The following P2RY6 variants were observed in gnomAD, a reference collection of about 807,000 sequenced individuals.
The protein encoded by P2RY6 is P2Y purinoceptor 6.
Under a neutral mutation model 16.3 loss-of-function variants are expected in P2RY6, and 19 were observed. The ratio of observed to expected loss-of-function variants is 1.16; its 90% CI spans 0.81 to 1.71. The LOEUF is 1.71. Among genes scored for constraint, P2RY6 ranks in the 40% most tolerant of loss-of-function variants. P2RY6 has a pLI of 0.00. For synonymous variants in P2RY6, 184 were observed against 201.5 expected, an observed-to-expected ratio of 0.91 and a Z score of 0.74; for missense variants, 389 against 455.5, an observed-to-expected ratio of 0.85 and a Z score of 1.33.
At chr11:73,272,623 C>T (rs11828747) in intron 1 of P2RY6, among the ~76,000 whole-genome samples, 157 bp downstream of exon 1, 3,680 of 152,330 alleles carry the variant, frequency 0.024, 152 homozygotes, top group African/African-American at 0.084. Context: ...CTCCGCCTGG[C>T]TATGCCTGGA....
chr11:73,274,415 T>C (rs1172800134), intron 1 of P2RY6, among the ~76,000 whole-genome samples: 1 of 151,790 alleles, frequency 6.6e-6, no homozygotes, highest in Non-Finnish European at 1.5e-5. Flanking sequence ...TCAAGTGTTT[T>C]ACACAAAAAT....
At chr11:73,272,598 G>A (rs955808631) in intron 1 of P2RY6, 132 bp downstream of exon 1, 1 of 733,100 alleles carries the variant, frequency 1.4e-6, no homozygotes, top group East Asian at 1.3e-4. Context: ...GCAGGCACTG[G>A]GGTCCTCCTC....
At chr11:73,290,338 A>AGAAAGAAC (rs1565170678) in intron 1 of P2RY6, among the ~76,000 whole-genome samples, 2 of 151,322 alleles carry the variant, frequency 1.3e-5, no homozygotes, top group Non-Finnish European at 3.0e-5. Flanking sequence ...AAAGAAAGAA[A>AGAAAGAAC]GAAAGAAAGA....
At chr11:73,278,769 C>T (rs957633998) in intron 1 of P2RY6, among the ~76,000 whole-genome samples, 5 of 152,188 alleles carry the variant, frequency 3.3e-5, no homozygotes, top group Non-Finnish European at 7.3e-5. Flanking sequence ...ATTCATCCAT[C>T]TACAGCTGTT....
upstream of P2RY6, among the ~76,000 whole-genome samples, chr11:73,269,061 C>G (rs888489062): frequency 6.6e-6 from 1 of 152,212 alleles, no homozygotes. Context: ...TAGGACTGAG[C>G]TAGCAGTGGC....
chr11:73,288,306 G>A (rs1864049701), intron 1 of P2RY6, among the ~76,000 whole-genome samples: 1 of 152,194 alleles, frequency 6.6e-6, no homozygotes, highest in Non-Finnish European at 1.5e-5. Flanking sequence ...GCTTGAAGAG[G>A]CTGGAGAGAA....
At position 73,297,493 on chromosome 11, in the gene P2RY6, G is replaced by T. The variant is rs1472061790; in HGVS notation, c.975G>T (p.Arg325Ser). The change falls in exon 3 of 3, where the codon AGG (arginine) becomes AGT (serine). Residue 325 changes from arginine to serine, a missense_variant. By Grantham distance (110) the Arg-to-Ser change is moderately radical. Transcript: ENST00000540124. ...AGAAACTCACAGCCAAATGGCAGAGGCAGGGTCGCTGAGTCCTCCAGGTCC... is the reference window on the plus strand; with the variant it reads ...AGAAACTCACAGCCAAATGGCAGAGTCAGGGTCGCTGAGTCCTCCAGGTCC... ...LLQKLTAKWQ[R>S]QGR 6.2e-6 allele frequency: 10 copies of T among 1,607,314 alleles called. No homozygotes were observed. Among genetic ancestry groups the T allele is most frequent in the Admixed American group, 1.7e-5 (1 of 59,922 alleles).
intron 1 of P2RY6, among the ~76,000 whole-genome samples, chr11:73,289,046 C>A (rs536747191): frequency 1.3e-5 from 2 of 152,364 alleles, no homozygotes; most frequent in East Asian, 3.9e-4. Flanking sequence ...CCAGCTCCTG[C>A]CTTTGGCCAA....
At chr11:73,276,138 C>T (rs1042492285) in intron 1 of P2RY6, among the ~76,000 whole-genome samples, 1 of 152,132 alleles carries the variant, frequency 6.6e-6, no homozygotes, top group African/African-American at 2.4e-5. Flanking sequence ...AGAAAAGGAG[C>T]AATTAGGGAA....
chr11:73,296,209 T>C (rs1864465590), intron 2 of P2RY6, among the ~76,000 whole-genome samples: 1 of 111,222 alleles, frequency 9.0e-6, no homozygotes, highest in Admixed American at 9.7e-5. Flanking sequence ...AGAAGTTCAC[T>C]AGGAAGGCTG....
intron 1 of P2RY6, among the ~76,000 whole-genome samples, chr11:73,285,057 A>G (rs1228597756): frequency 6.6e-6 from 1 of 152,092 alleles, no homozygotes; most frequent in Non-Finnish European, 1.5e-5. Context: ...TCGAGTGACC[A>G]CCTGAGGGGG....
At chr11:73,272,543 C>T in intron 1 of P2RY6, 77 bp downstream of exon 1, 1 of 980,198 alleles carries the variant, frequency 1.0e-6, no homozygotes, top group Non-Finnish European at 1.2e-6. Flanking sequence ...AACTGCAGTC[C>T]ACTTGCAGCC....
chr11:73,293,736 C>A (rs1396449658), intron 1 of P2RY6, among the ~76,000 whole-genome samples: 6 of 152,204 alleles, frequency 3.9e-5, no homozygotes, highest in Non-Finnish European at 8.8e-5. Context: ...TCCTGCAGCC[C>A]CCTGCCTCCT....
At chr11:73,269,327 C>A (rs761494821), upstream of P2RY6, among the ~76,000 whole-genome samples, 3 of 152,148 alleles carry the variant, frequency 2.0e-5, no homozygotes, top group South Asian at 6.2e-4. Flanking sequence ...ACACCCTGGG[C>A]TGAGCTGGGA....
Position 73,297,726 on chromosome 11 carries a change from G to C in P2RY6, c.*221G>C, listed in dbSNP as rs972350551. 8.6e-6 allele frequency: 5 copies of C among 583,486 alleles called. No individual in the cohort carries two copies. Among genetic ancestry groups the C allele is most frequent in the Non-Finnish European group, 1.6e-5 (5 of 320,020 alleles). The allele number at this position is 583,486 out of a possible 1,614,324, so 36.1% of individuals were successfully genotyped here. A position where few individuals can be genotyped will look rare whatever the true frequency, so the allele number is the denominator to read the frequency against. ...ATGGACAGACCTGGGCCTGGCTCTT[G>C]AGAGGTCCCAGTCAGCCATGGAGAG... On this transcript the variant is annotated 3_prime_UTR_variant, in exon 3 of 3. Transcript: ENST00000540124.
In P2RY6 at chr11:73,297,127, G is replaced by A; in HGVS notation, c.609G>A (p.Leu203=). 1 of 1,604,594 alleles carries A rather than the reference G, an allele frequency of 6.2e-7. No individual in the cohort carries two copies. Among genetic ancestry groups the A allele is most frequent in the Non-Finnish European group, 8.5e-7 (1 of 1,179,940 alleles). Residue 203 remains leucine (L), a synonymous_variant, in exon 3 of 3, where the codon CTG becomes CTA. Transcript: ENST00000540124. ...CTCTCACTGTCATCGGCTTCCTGCTGCCCTTTGCTGCCCTGCTGGCCTGCT... is the reference window on the plus strand; with the variant it reads ...CTCTCACTGTCATCGGCTTCCTGCTACCCTTTGCTGCCCTGCTGGCCTGCT... The part of the protein sequence containing the change: ...GMALTVIGFL[L]PFAALLACYC...
chr11:73,281,697 T>A (rs930910352), intron 1 of P2RY6, among the ~76,000 whole-genome samples: 1 of 152,208 alleles, frequency 6.6e-6, no homozygotes. Context: ...GGGAACCAGG[T>A]ACTCTGTCTC....
At chr11:73,274,357 T>A (rs11823600) in intron 1 of P2RY6, among the ~76,000 whole-genome samples, 3,202 of 152,148 alleles carry the variant, frequency 0.021, 119 homozygotes, top group African/African-American at 0.073. Flanking sequence ...AAAGAGAAAG[T>A]TAAGCAATAA....
chr11:73,282,512 T>C (rs2135719249), intron 1 of P2RY6, among the ~76,000 whole-genome samples: 1 of 152,154 alleles, frequency 6.6e-6, no homozygotes, highest in South Asian at 2.1e-4. Flanking sequence ...AGGTCCCACA[T>C]CTCCAGCAGG....
Sources: gnomAD v4.1 joint callset for allele counts (sites outside exome capture counted in the v4.1 genomes callset) on GRCh38, gnomAD v4.1.1 for gene constraint, MANE v1.5 for transcripts, NCBI Gene and HGNC (gene_info 2026-07-23, HGNC 2026-07-21) for gene names.